PRIM2: variants seen among roughly 807,000 people sequenced by gnomAD.
The protein encoded by PRIM2 is DNA primase subunit 2.
Under a neutral mutation model 67.3 loss-of-function variants are expected in PRIM2, and 39 were observed. That is an observed-to-expected ratio of 0.58 (90% CI 0.45 to 0.76). PRIM2 has a LOEUF of 0.76. Ranked by LOEUF, PRIM2 falls within the 30% of genes least tolerant of loss-of-function variation. PRIM2 has a pLI of 0.00. For synonymous variants in PRIM2, 143 were observed against 198.7 expected, an observed-to-expected ratio of 0.72 and a Z score of 2.36; for missense variants, 398 against 598.7, an observed-to-expected ratio of 0.66 and a Z score of 3.50.
intron 7 of PRIM2, among the ~76,000 whole-genome samples, chr6:57,495,687 G>A (rs1380501757): frequency 6.6e-6 from 1 of 152,052 alleles, no homozygotes; most frequent in Non-Finnish European, 1.5e-5. Flanking sequence ...TGTTACTGAG[G>A]CATTAGTAAT....
intron 7 of PRIM2, among the ~76,000 whole-genome samples, chr6:57,500,160 A>T (rs1238606891): frequency 1.3e-5 from 2 of 151,872 alleles, no homozygotes; most frequent in Non-Finnish European, 2.9e-5. Flanking sequence ...CATATTTCTT[A>T]TGTACATGTC....
At chr6:57,244,011 G>T in the PRIM2 span, among the ~76,000 whole-genome samples, 1 of 152,184 alleles carries the variant, frequency 6.6e-6, no homozygotes, top group Non-Finnish European at 1.5e-5. Context: ...AGCCATAGCT[G>T]GACGAGGAAG....
intron 7 of PRIM2, among the ~76,000 whole-genome samples, chr6:57,463,296 A>C (rs1039737668): frequency 1.3e-5 from 2 of 152,178 alleles, no homozygotes; most frequent in Non-Finnish European, 2.9e-5. Flanking sequence ...GTTTGATACC[A>C]GTTTGGGCAA....
At chr6:57,315,797 G>A (rs1375615851), upstream of PRIM2, among the ~76,000 whole-genome samples, 2 of 151,928 alleles carry the variant, frequency 1.3e-5, no homozygotes, top group Non-Finnish European at 2.9e-5. Flanking sequence ...ACTTTTTATG[G>A]TCAAGTCTTT....
chr6:57,549,507 T>C (rs1412845034), intron 10 of PRIM2, among the ~76,000 whole-genome samples: 1 of 151,996 alleles, frequency 6.6e-6, no homozygotes, highest in Non-Finnish European at 1.5e-5. Flanking sequence ...GATTTTTCAG[T>C]TCTTGAGGAC....
the PRIM2 span, among the ~76,000 whole-genome samples, chr6:57,274,296 G>A: frequency 4.1e-4 from 63 of 151,962 alleles, 1 homozygote; most frequent in South Asian, 1.2e-3. Flanking sequence ...CTTCCCTGCC[G>A]CTTTGTTTAC....
At chr6:57,275,106 C>A in the PRIM2 span, among the ~76,000 whole-genome samples, 3,729 of 152,126 alleles carry the variant, frequency 0.025, 138 homozygotes, top group African/African-American at 0.085. Context: ...CTTTCAATAT[C>A]ATCTCAGAAT....
In PRIM2 at chr6:57,402,060, C is replaced by A. The variant is rs77186818; in HGVS notation, c.693+19892C>A. ...GGGGTGGCTGGAGGCCCAGGCCTGG[C>A]GGACCTGCCCAGTGAGGAGATAATA... On this transcript the variant is annotated intron_variant, in intron 7 of 13. Transcript: ENST00000615550. 3.9e-3 allele frequency among the ~76,000 whole-genome samples: 591 copies of A among 152,024 alleles called. 3 individuals are homozygous for A. Among genetic ancestry groups the A allele is most frequent in the African/African-American group, 0.013 (553 of 41,476 alleles).
chr6:57,577,554 G>A (rs1445913431), intron 10 of PRIM2, among the ~76,000 whole-genome samples: 14 of 150,042 alleles, frequency 9.3e-5, no homozygotes, highest in African/African-American at 1.5e-4. Flanking sequence ...TCAGCCTCCC[G>A]AGTAGCTGGG....
At chr6:57,367,482 AAAC>A (rs1769397582) in intron 5 of PRIM2, among the ~76,000 whole-genome samples, 1 of 152,218 alleles carries the variant, frequency 6.6e-6, no homozygotes. Flanking sequence ...TCCAAACCTA[AAAC>A]AACAATTCCA....
chr6:57,433,523 T>C (rs1771902383), intron 7 of PRIM2, among the ~76,000 whole-genome samples: 1 of 152,028 alleles, frequency 6.6e-6, no homozygotes, highest in Non-Finnish European at 1.5e-5. Context: ...AGAGCACATA[T>C]TTTGTCCACT....
chr6:57,363,505 A>T (rs1374175098), intron 5 of PRIM2, among the ~76,000 whole-genome samples: 7 of 152,226 alleles, frequency 4.6e-5, no homozygotes, highest in Non-Finnish European at 7.4e-5. Flanking sequence ...CTTTATTGGA[A>T]GACATTTTTG....
At chr6:57,305,345 T>G in the PRIM2 span, among the ~76,000 whole-genome samples, 1 of 152,168 alleles carries the variant, frequency 6.6e-6, no homozygotes, top group Non-Finnish European at 1.5e-5. Flanking sequence ...TACAGAGAAG[T>G]TCAGTTCAGT....
At chr6:57,456,219 T>C in intron 7 of PRIM2, among the ~76,000 whole-genome samples, 1 of 152,170 alleles carries the variant, frequency 6.6e-6, no homozygotes, top group Non-Finnish European at 1.5e-5. Flanking sequence ...GCCCTTAACA[T>C]TGTTTCCTTC....
chr6:57,252,863 A>C, the PRIM2 span, among the ~76,000 whole-genome samples: 11 of 152,242 alleles, frequency 7.2e-5, no homozygotes, highest in East Asian at 3.8e-4. Flanking sequence ...TGGATGCCTC[A>C]TCTCATCCTG....
chr6:57,586,231 T>A (rs1679270907), intron 10 of PRIM2, among the ~76,000 whole-genome samples: 1 of 152,192 alleles, frequency 6.6e-6, no homozygotes, highest in Admixed American at 6.5e-5. Context: ...ATAGACTGAA[T>A]AAGAATCATT....
intron 2 of PRIM2, among the ~76,000 whole-genome samples, chr6:57,319,775 T>C (rs1316902619): frequency 6.6e-6 from 1 of 152,108 alleles, no homozygotes; most frequent in Non-Finnish European, 1.5e-5. Context: ...CTGCTGGAGA[T>C]GGGCATGGCA....
chr6:57,401,957 G>A (rs1325388111), intron 7 of PRIM2, among the ~76,000 whole-genome samples: 1 of 152,198 alleles, frequency 6.6e-6, no homozygotes, highest in Non-Finnish European at 1.5e-5. Flanking sequence ...AGAGGCAGTG[G>A]CAGGGAGGCT....
the PRIM2 span, among the ~76,000 whole-genome samples, chr6:57,304,019 T>C: frequency 6.6e-6 from 1 of 152,182 alleles, no homozygotes. Context: ...ATTTTTACTT[T>C]ATAACCCACA....
Sources: allele counts gnomAD v4.1 joint callset (sites outside exome capture counted in the v4.1 genomes callset), GRCh38; gene constraint gnomAD v4.1.1; transcripts MANE v1.5; gene names NCBI Gene and HGNC (gene_info 2026-07-23, HGNC 2026-07-21).